Variants in MMP24 observed in about 807,000 individuals in gnomAD.
MMP24 encodes matrix metallopeptidase 24.
MMP24 carries 25 observed loss-of-function variants against 62.8 expected under a neutral mutation model. The ratio of observed to expected loss-of-function variants is 0.40; its 90% CI spans 0.29 to 0.56. The LOEUF (loss-of-function observed/expected upper bound fraction) is 0.56, where lower values mean the gene tolerates loss of function less well. Among genes scored for constraint, MMP24 ranks in the 20% least tolerant of loss-of-function variants. The pLI is 0.50. For synonymous variants in MMP24, 319 were observed against 350.5 expected (o/e 0.91, Z 1.00); for missense variants, 634 against 853.6 (o/e 0.74, Z 3.21).
chr20:35,240,117 C>T (rs1027104175), intron 1 of MMP24, among the ~76,000 whole-genome samples: 1 of 152,212 alleles, frequency 6.6e-6, no homozygotes, highest in Non-Finnish European at 1.5e-5. Context: ...TGCCAGAGCT[C>T]TGCCTCTTGC....
intron 1 of MMP24, 70 bp downstream of exon 1, chr20:35,227,054 A>G (rs1163872762): frequency 1.0e-5 from 10 of 966,382 alleles, no homozygotes; most frequent in Non-Finnish European, 1.1e-5. Flanking sequence ...GGCACCGGGG[A>G]CGGGCCTGGG....
At chr20:35,244,739 C>T (rs956075002) in intron 1 of MMP24, among the ~76,000 whole-genome samples, 6 of 152,078 alleles carry the variant, frequency 3.9e-5, no homozygotes, top group African/African-American at 7.2e-5. Flanking sequence ...CGCGCCCAGC[C>T]GGGAATAATC....
Position 35,276,087 on chromosome 20 carries a change from C to A in MMP24, c.*1478C>A. 2.5e-6 allele frequency: 1 copy of A among 398,742 alleles called. No homozygotes were observed. Among genetic ancestry groups the A allele is most frequent in the East Asian group, 3.6e-5 (1 of 28,066 alleles). 24.7% of individuals were successfully genotyped at this position (398,742 alleles called of 1,614,324 possible). On this transcript the variant is annotated 3_prime_UTR_variant, in exon 9 of 9. Transcript: ENST00000246186. Reference sequence around the variant, plus strand: ...CGTGCTGGCCGGGTCTCGGATGCCACCCCTGCTCACTGAGCCTGCATGGGC... The same window carrying A: ...CGTGCTGGCCGGGTCTCGGATGCCAACCCTGCTCACTGAGCCTGCATGGGC...
intron 1 of MMP24, among the ~76,000 whole-genome samples, chr20:35,238,464 AG>A (rs1367421284): frequency 1.1e-4 from 16 of 152,176 alleles, no homozygotes; most frequent in Non-Finnish European, 7.4e-5. Context: ...CTCCCCAAAG[AG>A]GGAGGAGGGG....
intron 1 of MMP24, among the ~76,000 whole-genome samples, chr20:35,239,831 A>G (rs2060480886): frequency 6.6e-6 from 1 of 152,108 alleles, no homozygotes; most frequent in African/African-American, 2.4e-5. Context: ...AACAAACAAA[A>G]AAGGAAACTG....
In MMP24 at chr20:35,275,141, G is replaced by A. The variant is rs2060696671; in HGVS notation, c.*532G>A. ...TCTGACACAGTGAGCAACAAGCCTG[G>A]GTTTCCCTGCTGGCAGACGGCAGAT... On this transcript the variant is annotated 3_prime_UTR_variant, in exon 9 of 9. Coordinates refer to ENST00000246186, the MANE Select transcript of MMP24 (RefSeq NM_006690.4). 1 of 157,408 alleles carries A rather than the reference G, an allele frequency of 6.4e-6. No homozygotes were observed. The highest frequency in any genetic ancestry group is 2.4e-5 in the African/African-American group (1 of 41,444). 9.8% of individuals were successfully genotyped at this position (157,408 alleles called of 1,614,324 possible). A position where few individuals can be genotyped will look rare whatever the true frequency, so the allele number is the denominator to read the frequency against.
At position 35,274,870 on chromosome 20, in the gene MMP24, A is replaced by G. The variant is rs543561127; in HGVS notation, c.*261A>G. On this transcript the variant is annotated 3_prime_UTR_variant, in exon 9 of 9. Coordinates refer to ENST00000246186, the MANE Select transcript of MMP24 (RefSeq NM_006690.4). This position sits in a 1 kb window ranked among gnomAD's most constrained non-coding sequence, Gnocchi z 5.1. Reference sequence around the variant, plus strand: ...TACTCCCTACTTAAGGGAATAGGCCAGGCTCCATCCGGAGGCAGGGACCAT... The same window carrying G: ...TACTCCCTACTTAAGGGAATAGGCCGGGCTCCATCCGGAGGCAGGGACCAT... 5.2e-5 allele frequency: 26 copies of G among 500,594 alleles called. No homozygotes were observed. The South Asian group carries it at 6.1e-4, about 12-fold the overall frequency. 31.0% of individuals were successfully genotyped at this position (500,594 alleles called of 1,614,324 possible).
chr20:35,268,877 A>C (rs2060651150), intron 6 of MMP24, among the ~76,000 whole-genome samples: 1 of 152,036 alleles, frequency 6.6e-6, no homozygotes, highest in Admixed American at 6.6e-5. Flanking sequence ...AATATAAAAA[A>C]TTAGCCGGGT....
chr20:35,260,239 G>A (rs940956537), intron 4 of MMP24, among the ~76,000 whole-genome samples: 6 of 152,110 alleles, frequency 3.9e-5, no homozygotes, highest in Non-Finnish European at 1.5e-5. Context: ...GGCTCTCTTG[G>A]GTTTCTGTGC....
At chr20:35,273,085 G>C (rs144515197) in intron 8 of MMP24, among the ~76,000 whole-genome samples, 1 of 152,156 alleles carries the variant, frequency 6.6e-6, no homozygotes, top group Non-Finnish European at 1.5e-5. Context: ...ACTTGCAGAC[G>C]TCCAAGTCTA....
At chr20:35,272,724 C>CA (rs2146245091) in intron 8 of MMP24, among the ~76,000 whole-genome samples, 1 of 152,244 alleles carries the variant, frequency 6.6e-6, no homozygotes, top group African/African-American at 2.4e-5. Context: ...TTGATATGGT[C>CA]AAAAACACAG....
At chr20:35,251,039 T>C (rs992519373) in intron 2 of MMP24, among the ~76,000 whole-genome samples, 2 of 151,952 alleles carry the variant, frequency 1.3e-5, no homozygotes, top group African/African-American at 4.8e-5. Flanking sequence ...AATAAACCAA[T>C]AAATTTTAAA....
intron 1 of MMP24, among the ~76,000 whole-genome samples, chr20:35,243,122 T>G (rs1264211357): frequency 6.6e-6 from 1 of 151,194 alleles, no homozygotes; most frequent in African/African-American, 2.4e-5. Flanking sequence ...AAGGTTGCAG[T>G]GAGCCGAGAT....
At position 35,276,230 on chromosome 20, in the gene MMP24, T is replaced by C; in HGVS notation, c.*1621T>C. On this transcript the variant is annotated 3_prime_UTR_variant, in exon 9 of 9. Transcript: ENST00000246186. ...AAATCTCTTGTCCCAGAGGTGCCCA[T>C]GTGGGTCCGCTGTGTCCCCTGTCAT... 1 of 398,934 alleles carries C rather than the reference T, an allele frequency of 2.5e-6. No individual in the cohort carries two copies. The highest frequency in any genetic ancestry group is 3.6e-5 in the East Asian group (1 of 28,072). The allele number at this position is 398,934 out of a possible 1,614,324, so 24.7% of individuals were successfully genotyped here.
At chr20:35,239,288 C>T (rs1427270199) in intron 1 of MMP24, among the ~76,000 whole-genome samples, 2 of 152,046 alleles carry the variant, frequency 1.3e-5, no homozygotes, top group African/African-American at 2.4e-5. Context: ...CTGTCTGCCT[C>T]GGCCTCTCAA....
intron 6 of MMP24, among the ~76,000 whole-genome samples, chr20:35,267,654 T>C (rs1157606547): frequency 1.3e-5 from 2 of 152,322 alleles, no homozygotes; most frequent in African/African-American, 4.8e-5. Context: ...GGGTTAATGC[T>C]GGGAGAAAGT....
chr20:35,263,848 A>C lies in MMP24; in HGVS notation c.875A>C (p.His292Pro). 6.2e-7 allele frequency: 1 copy of C among 1,610,204 alleles called. No homozygotes were observed. The highest frequency in any genetic ancestry group is 8.5e-7 in the Non-Finnish European group (1 of 1,178,274). ...CTGGGCCACGCGCTGGGACTGGAGC[A>C]CTCCAGCGACCCCAGCGCCATCATG... is the stretch of plus-strand genomic sequence containing the variant. ...HELGHALGLEHSSDPSAIMAP... is the reference protein window; with the variant it reads ...HELGHALGLEPSSDPSAIMAP... Residue 292 changes from histidine to proline, a missense_variant, in exon 5 of 9, where the codon CAC (histidine) becomes CCC (proline). By Grantham distance (77) the His-to-Pro change is moderately conservative. Transcript: ENST00000246186.
chr20:35,240,176 C>T (rs1432223440), intron 1 of MMP24, among the ~76,000 whole-genome samples: 1 of 152,134 alleles, frequency 6.6e-6, no homozygotes, highest in African/African-American at 2.4e-5. Context: ...CTGTCTCCCG[C>T]TCTCTTCCCT....
intron 1 of MMP24, among the ~76,000 whole-genome samples, chr20:35,232,129 G>C (rs2060440650): frequency 6.6e-6 from 1 of 152,190 alleles, no homozygotes; most frequent in African/African-American, 2.4e-5. Flanking sequence ...CAAGTTTCCT[G>C]TTCTGGATTA....
Sources: gnomAD v4.1 joint callset for allele counts (sites outside exome capture counted in the v4.1 genomes callset) on GRCh38, gnomAD v4.1.1 for gene constraint, Gnocchi (gnomAD v3.1) non-coding constraint, MANE v1.5 for transcripts, NCBI Gene and HGNC (gene_info 2026-07-23, HGNC 2026-07-21) for gene names.